CBL: variants seen among roughly 807,000 people sequenced by gnomAD.
CBL encodes the protein E3 ubiquitin-protein ligase CBL.
In CBL, 45 loss-of-function variants were observed where a neutral mutation model predicts 96.9. That is an observed-to-expected ratio of 0.46 (90% CI 0.37 to 0.60). The LOEUF (loss-of-function observed/expected upper bound fraction) is 0.60. Among genes scored for constraint, CBL ranks in the 20% least tolerant of loss-of-function variants. The pLI is 0.00. For missense variants in CBL, 1,024 were observed against 1,143.5 expected (o/e 0.90, Z 1.51); for synonymous variants, 420 against 426.8 (o/e 0.98, Z 0.20).
intron 1 of CBL, among the ~76,000 whole-genome samples, chr11:119,219,248 G>A (rs562823200): frequency 2.0e-5 from 3 of 151,686 alleles, no homozygotes; most frequent in East Asian, 1.9e-4. Flanking sequence ...GTATGGAGGC[G>A]GGCTCCTGTA....
intron 1 of CBL, among the ~76,000 whole-genome samples, chr11:119,224,998 T>G (rs1157910620): frequency 6.6e-6 from 1 of 152,046 alleles, no homozygotes; most frequent in East Asian, 1.9e-4. Context: ...ACTGTATACC[T>G]TTTTTTCAGA....
chr11:119,208,800 C>CA (rs1949295255), intron 1 of CBL, among the ~76,000 whole-genome samples: 1 of 152,166 alleles, frequency 6.6e-6, no homozygotes, highest in African/African-American at 2.4e-5. Context: ...ATAAAATCCT[C>CA]CCTTAAGTCT....
chr11:119,278,852 T>TA, intron 9 of CBL, 139 bp downstream of exon 9: 1 of 750,224 alleles, frequency 1.3e-6, no homozygotes, highest in East Asian at 2.7e-5. Flanking sequence ...ATATGACAGA[T>TA]ATTGTGTTAA....
rs2510152 is a variant in CBL, at chr11:119,277,863, G to T, written c.1095+19G>T. ...GACCCAGGTGAGTTTTGTTTCACATGATAACCATATCACTGGACACAAGCT... is the reference window on the plus strand; with the variant it reads ...GACCCAGGTGAGTTTTGTTTCACATTATAACCATATCACTGGACACAAGCT... On this transcript the variant is annotated intron_variant, in intron 7 of 15. Coordinates refer to ENST00000264033, the MANE Select transcript of CBL (RefSeq NM_005188.4). The T allele has an allele frequency of 0.57, 859,474 of 1,511,976 alleles. 252,123 individuals carry two copies. The highest frequency in any genetic ancestry group is 0.87 in the East Asian group (38,466 of 44,392). The allele number at this position is 1,511,976 out of a possible 1,614,324, so 93.7% of individuals were successfully genotyped here.
intron 2 of CBL, among the ~76,000 whole-genome samples, chr11:119,265,942 A>T (rs894260101): frequency 3.4e-5 from 5 of 148,680 alleles, no homozygotes; most frequent in African/African-American, 1.2e-4. Flanking sequence ...GAATTGCTTG[A>T]ACCCGGGAGA....
At position 119,304,661 on chromosome 11, in the gene CBL, G is replaced by A. The variant is rs564508846; in HGVS notation, c.*4880G>A. ...TTTTTTTTTGAGATGGAGTCTCGCTGTGTCGCCCAGGCTGGAGTGCAGTGG... is the reference window on the plus strand; with the variant it reads ...TTTTTTTTTGAGATGGAGTCTCGCTATGTCGCCCAGGCTGGAGTGCAGTGG... On this transcript the variant is annotated 3_prime_UTR_variant, in exon 16 of 16. Transcript: ENST00000264033. The A allele has an allele frequency of 5.7e-5, 12 of 209,544 alleles. No individual in the cohort carries two copies. The East Asian group carries it at 7.8e-4, about 14-fold the overall frequency. The allele number at this position is 209,544 out of a possible 1,614,324, so 13.0% of individuals were successfully genotyped here.
chr11:119,256,216 G>A (rs1451182020), intron 2 of CBL, among the ~76,000 whole-genome samples: 1 of 149,892 alleles, frequency 6.7e-6, no homozygotes, highest in Non-Finnish European at 1.5e-5. Context: ...TTTAAAGATG[G>A]AGTCTCGCTC....
At chr11:119,216,339 AATTT>A (rs113078166) in intron 1 of CBL, among the ~76,000 whole-genome samples, 10,486 of 144,006 alleles carry the variant, frequency 0.073, 822 homozygotes, top group African/African-American at 0.2. Context: ...GACTTATTGT[AATTT>A]ATTTATTTAT....
At chr11:119,214,137 G>T (rs1949339482) in intron 1 of CBL, among the ~76,000 whole-genome samples, 1 of 151,658 alleles carries the variant, frequency 6.6e-6, no homozygotes, top group African/African-American at 2.4e-5. Flanking sequence ...TAGAGACAGG[G>T]TTTCACTATG....
chr11:119,238,366 C>T (rs1430738683), intron 2 of CBL, among the ~76,000 whole-genome samples: 1 of 151,910 alleles, frequency 6.6e-6, no homozygotes, highest in African/African-American at 2.4e-5. Context: ...TGCACCACAA[C>T]CCCTGGCTAA....
In CBL at chr11:119,241,456, A is replaced by G. The variant is rs900604355; in HGVS notation, c.443+8761A>G. ...AAAATTAGTATTGAGTATTTTGTCT[A>G]TGGTAGGCACTGCTCCTGAATAGTA... On this transcript the variant is annotated intron_variant, in intron 2 of 15. Transcript: ENST00000264033. Among the ~76,000 whole-genome samples, 5 of 152,226 alleles carry G rather than the reference A, an allele frequency of 3.3e-5. No individual in the cohort carries two copies. The East Asian group carries it at 7.7e-4, about 23-fold the overall frequency.
chr11:119,298,332 A>G, intron 14 of CBL, 26 bp from the exon 15 acceptor site: 1 of 1,606,952 alleles, frequency 6.2e-7, no homozygotes, highest in Non-Finnish European at 8.5e-7. Flanking sequence ...CGTCAGAAGA[A>G]GATAACATCA....
intron 2 of CBL, among the ~76,000 whole-genome samples, chr11:119,269,997 AAAATAAAT>A (rs151010037): frequency 1.1e-4 from 16 of 151,594 alleles, no homozygotes; most frequent in Non-Finnish European, 2.2e-4. Context: ...ACTCCGTCTC[AAAATAAAT>A]AAATAAATAA....
At position 119,306,345 on chromosome 11, in the gene CBL, G is replaced by C; in HGVS notation, c.*6564G>C. ...GATTTGGCAGCTGAAGAAATCAGCA[G>C]AGTCCTGATTGCCTGATTCAGTCCC... On this transcript the variant is annotated 3_prime_UTR_variant, in exon 16 of 16. Transcript: ENST00000264033. 2.5e-6 allele frequency: 1 copy of C among 398,778 alleles called. No homozygotes were observed. Among genetic ancestry groups the C allele is most frequent in the Non-Finnish European group, 4.4e-6 (1 of 226,164 alleles). The allele number at this position is 398,778 out of a possible 1,614,324, so 24.7% of individuals were successfully genotyped here.
At chr11:119,238,170 C>G (rs978581121) in intron 2 of CBL, among the ~76,000 whole-genome samples, 1 of 150,248 alleles carries the variant, frequency 6.7e-6, no homozygotes, top group Non-Finnish European at 1.5e-5. Context: ...CCCAGCCTCC[C>G]TTGAATTTCT....
At position 119,303,986 on chromosome 11, in the gene CBL, C is replaced by CT. The variant is rs988769137; in HGVS notation, c.*4206dup. The stretch of plus-strand genomic sequence containing the variant: ...TGTGGCTAACTATGTTTTAGAAGGG[C>CT]TGGAGGTGTGGGCCCTGTCTTCGGG... On this transcript the variant is annotated 3_prime_UTR_variant, in exon 16 of 16. Transcript: ENST00000264033. 60 of 233,654 alleles carry CT rather than the reference C, an allele frequency of 2.6e-4. No homozygotes were observed. The South Asian group carries it at 2.9e-3, about 11-fold the overall frequency. The allele number at this position is 233,654 out of a possible 1,614,324, so 14.5% of individuals were successfully genotyped here.
chr11:119,259,085 G>C (rs766718800), intron 2 of CBL, among the ~76,000 whole-genome samples: 20 of 152,104 alleles, frequency 1.3e-4, no homozygotes, highest in Non-Finnish European at 7.4e-5. Context: ...TCTCAGGTTG[G>C]TCATTGTTGA....
chr11:119,264,427 TC>T (rs5795172), intron 2 of CBL, among the ~76,000 whole-genome samples: 3 of 100,882 alleles, frequency 3.0e-5, no homozygotes, highest in South Asian at 3.0e-4. Flanking sequence ...TCTTCTCTTC[TC>T]TTCTCTTCTC....
intron 1 of CBL, among the ~76,000 whole-genome samples, chr11:119,225,547 T>C (rs1949451536): frequency 6.6e-6 from 1 of 151,968 alleles, no homozygotes; most frequent in South Asian, 2.1e-4. Context: ...TACAGGCATG[T>C]GCACCACATC....
Sources: allele counts gnomAD v4.1 joint callset (sites outside exome capture counted in the v4.1 genomes callset), GRCh38; gene constraint gnomAD v4.1.1; transcripts MANE v1.5; gene names NCBI Gene and HGNC (gene_info 2026-07-23, HGNC 2026-07-21).